GPHN: variants seen among roughly 807,000 people sequenced by gnomAD.
GPHN encodes gephyrin.
Under a neutral mutation model 95.5 loss-of-function variants are expected in GPHN, and 17 were observed. That is an observed-to-expected ratio of 0.18 (90% CI 0.12 to 0.27). The LOEUF (loss-of-function observed/expected upper bound fraction) is 0.27, where lower values mean the gene tolerates loss of function less well. GPHN is among the 10% of genes least tolerant of loss of function. GPHN has a pLI of 1.00. For synonymous variants in GPHN, 320 were observed against 322.5 expected (o/e 0.99, Z 0.08); for missense variants, 660 against 978.1 (o/e 0.67, Z 4.34).
chr14:66,885,114 T>C (rs2153536880), intron 5 of GPHN, among the ~76,000 whole-genome samples: 1 of 152,248 alleles, frequency 6.6e-6, no homozygotes, highest in Non-Finnish European at 1.5e-5. Flanking sequence ...ATTATTTAGA[T>C]AATATTAAAG....
At chr14:67,027,184 CA>C (rs1158067179) in intron 10 of GPHN, among the ~76,000 whole-genome samples, 2 of 152,164 alleles carry the variant, frequency 1.3e-5, no homozygotes, top group Non-Finnish European at 2.9e-5. Flanking sequence ...ACCTATAATT[CA>C]TTTCCGTCAA....
chr14:66,832,120 C>T (rs140404077), intron 4 of GPHN, among the ~76,000 whole-genome samples: 1 of 152,122 alleles, frequency 6.6e-6, no homozygotes, highest in Non-Finnish European at 1.5e-5. Context: ...GCATTCCAAC[C>T]TGGGTGACAG....
chr14:67,294,004 G>T, the GPHN span, among the ~76,000 whole-genome samples: 1 of 152,190 alleles, frequency 6.6e-6, no homozygotes, highest in Non-Finnish European at 1.5e-5. Flanking sequence ...AGGGTTTTAG[G>T]AGTTGAGAAA....
At chr14:67,079,162 T>C (rs886839488) in intron 11 of GPHN, among the ~76,000 whole-genome samples, 1 of 152,072 alleles carries the variant, frequency 6.6e-6, no homozygotes, top group Non-Finnish European at 1.5e-5. Flanking sequence ...AGAAATGAAA[T>C]ATGCTTCTTT....
intron 9 of GPHN, among the ~76,000 whole-genome samples, chr14:67,006,523 A>G (rs910135743): frequency 6.6e-6 from 1 of 152,154 alleles, no homozygotes; most frequent in African/African-American, 2.4e-5. Flanking sequence ...TGGCTCTAAA[A>G]AGGCTACTGT....
At chr14:67,627,788 T>C in the GPHN span, among the ~76,000 whole-genome samples, 1 of 152,214 alleles carries the variant, frequency 6.6e-6, no homozygotes, top group Non-Finnish European at 1.5e-5. Flanking sequence ...TAAGAGTCTA[T>C]TTCCACAGCA....
chr14:67,018,812 C>T (rs1032160205), intron 9 of GPHN, among the ~76,000 whole-genome samples: 7 of 152,098 alleles, frequency 4.6e-5, no homozygotes, highest in African/African-American at 1.4e-4. Context: ...GCATTATCTC[C>T]TTTGAGCCAC....
chr14:66,912,464 T>C (rs560679270), intron 5 of GPHN, among the ~76,000 whole-genome samples: 16 of 152,306 alleles, frequency 1.1e-4, no homozygotes, highest in Admixed American at 3.9e-4. Flanking sequence ...CTTTATATTT[T>C]ATATACATAA....
intron 9 of GPHN, among the ~76,000 whole-genome samples, chr14:67,003,834 C>T (rs1567201946): frequency 6.6e-6 from 1 of 151,632 alleles, no homozygotes; most frequent in Admixed American, 6.6e-5. Flanking sequence ...CCCTCTGTTT[C>T]TTCATATCTT....
intron 4 of GPHN, among the ~76,000 whole-genome samples, chr14:66,825,379 A>T (rs1342395408): frequency 6.6e-6 from 1 of 152,118 alleles, no homozygotes; most frequent in Non-Finnish European, 1.5e-5. Context: ...CTACTACCTT[A>T]TTAACATTCC....
the GPHN span, among the ~76,000 whole-genome samples, chr14:67,459,886 A>G: frequency 4.6e-5 from 7 of 152,352 alleles, no homozygotes; most frequent in East Asian, 1.3e-3. Flanking sequence ...CAAAGTTTAA[A>G]ACGGATGACT....
chr14:66,640,904 T>G (rs1430467162), intron 1 of GPHN, among the ~76,000 whole-genome samples: 2 of 152,206 alleles, frequency 1.3e-5, no homozygotes, highest in East Asian at 3.8e-4. Flanking sequence ...CCTAATTATA[T>G]TGGTAATCAC....
At chr14:66,955,259 T>G (rs1226207577) in intron 8 of GPHN, among the ~76,000 whole-genome samples, 1 of 152,204 alleles carries the variant, frequency 6.6e-6, no homozygotes, top group Non-Finnish European at 1.5e-5. Flanking sequence ...GTTGAAAGTA[T>G]TTTTATGTAC....
At chr14:67,036,519 A>ACACACACACACACACG (rs2074432261) in intron 10 of GPHN, among the ~76,000 whole-genome samples, 1 of 150,722 alleles carries the variant, frequency 6.6e-6, no homozygotes, top group Admixed American at 6.6e-5. Context: ...ACACACACAC[A>ACACACACACACACACG]CACACACACA....
chr14:67,362,010 T>C, the GPHN span, among the ~76,000 whole-genome samples: 163 of 148,818 alleles, frequency 1.1e-3, no homozygotes, highest in African/African-American at 4.0e-3. Flanking sequence ...AGAGTCTTTT[T>C]TTTTTTTCTT....
chr14:67,109,976 C>T (rs1295964952), intron 13 of GPHN, among the ~76,000 whole-genome samples, 164 bp from the exon 14 acceptor site: 3 of 152,256 alleles, frequency 2.0e-5, no homozygotes, highest in Middle Eastern at 6.8e-3. Flanking sequence ...AGTGTGAGTG[C>T]ACCTGTTTGT....
chr14:66,703,694 T>TC (rs1488374154), intron 2 of GPHN, among the ~76,000 whole-genome samples: 1 of 126,280 alleles, frequency 7.9e-6, no homozygotes, highest in Non-Finnish European at 1.5e-5. Context: ...CTCCAAAATG[T>TC]AAGGACCAAT....
At chr14:66,589,543 A>G (rs542706527) in intron 1 of GPHN, among the ~76,000 whole-genome samples, 2 of 152,048 alleles carry the variant, frequency 1.3e-5, no homozygotes, top group Non-Finnish European at 2.9e-5. Context: ...AAGATAAAAA[A>G]AAAAGACAAA....
intron 9 of GPHN, among the ~76,000 whole-genome samples, chr14:67,018,850 CTG>C (rs922634692): frequency 2.0e-5 from 3 of 151,098 alleles, no homozygotes; most frequent in Non-Finnish European, 3.0e-5. Flanking sequence ...TGTGAGGAAA[CTG>C]AGATTATGGG....
Sources: allele counts gnomAD v4.1 joint callset (sites outside exome capture counted in the v4.1 genomes callset), GRCh38; gene constraint gnomAD v4.1.1; transcripts MANE v1.5; gene names NCBI Gene and HGNC (gene_info 2026-07-23, HGNC 2026-07-21).